CDH9: variants seen among roughly 807,000 people sequenced by gnomAD.
The protein encoded by CDH9 is cadherin 9, also known as cadherin-9.
CDH9 carries 28 observed loss-of-function variants against 70.9 expected under a neutral mutation model. The observed-to-expected ratio is 0.40, with a 90% confidence interval of 0.29 to 0.54. The LOEUF is 0.54. Among genes scored for constraint, CDH9 ranks in the 20% least tolerant of loss-of-function variants. CDH9 has a pLI of 0.59. For synonymous variants in CDH9, 409 were observed against 343.1 expected (o/e 1.19, Z -2.12); for missense variants, 874 against 984.4 (o/e 0.89, Z 1.50).
At chr5:26,949,365 G>T (rs1741806858) in intron 2 of CDH9, among the ~76,000 whole-genome samples, 1 of 152,072 alleles carries the variant, frequency 6.6e-6, no homozygotes, top group African/African-American at 2.4e-5. Flanking sequence ...CCAACTTTAG[G>T]TGGAAGAAAA....
chr5:26,962,029 A>G (rs955450453), intron 2 of CDH9, among the ~76,000 whole-genome samples: 2 of 152,038 alleles, frequency 1.3e-5, no homozygotes, highest in Non-Finnish European at 2.9e-5. Context: ...CCCTGTGTCC[A>G]TGTGTTCTCA....
At chr5:26,928,127 T>G (rs1741378138) in intron 2 of CDH9, among the ~76,000 whole-genome samples, 1 of 151,986 alleles carries the variant, frequency 6.6e-6, no homozygotes, top group Admixed American at 6.6e-5. Context: ...CTGTTAGAAC[T>G]AATAAAACCA....
At chr5:26,950,649 A>T (rs937437880) in intron 2 of CDH9, among the ~76,000 whole-genome samples, 7 of 152,362 alleles carry the variant, frequency 4.6e-5, no homozygotes, top group South Asian at 2.1e-4. Context: ...AAAATTACAC[A>T]TTCCATAAAT....
chr5:26,903,367 A>G (rs13156648), intron 6 of CDH9: 73,655 of 535,324 alleles, frequency 0.14, 5,614 homozygotes, highest in Middle Eastern at 0.27. Flanking sequence ...ATTTTCCTCT[A>G]TGGAGAAATA....
chr5:26,966,385 C>T (rs1742129952), intron 2 of CDH9, among the ~76,000 whole-genome samples: 1 of 152,202 alleles, frequency 6.6e-6, no homozygotes, highest in African/African-American at 2.4e-5. Context: ...CAACATCTGC[C>T]TCCCAGGGAA....
At chr5:26,952,505 G>T (rs112873829) in intron 2 of CDH9, among the ~76,000 whole-genome samples, 3,771 of 138,598 alleles carry the variant, frequency 0.027, 240 homozygotes, top group African/African-American at 0.099. Flanking sequence ...CGTGGTGGGA[G>T]GCGCCTGTGG....
intron 2 of CDH9, 120 bp from the exon 3 acceptor site, chr5:26,916,044 T>C: frequency 1.6e-6 from 1 of 625,756 alleles, no homozygotes; most frequent in East Asian, 2.7e-5. Context: ...TCTTAATGGT[T>C]ATCTTGACTT....
Position 26,906,109 on chromosome 5 carries a change from A to G in CDH9, c.661T>C (p.Leu221=), listed in dbSNP as rs200815583. 16 of 1,611,238 alleles carry G rather than the reference A, an allele frequency of 9.9e-6. No individual in the cohort carries two copies. In the East Asian group the frequency reaches 3.3e-4, roughly 34 times the overall value. The part of the protein sequence containing the change: ...DPESGIIKTA[L]PDMSRENREQ... ...CTATTTTCTCTGCTCATGTCTGGTAATGCAGTTTTTATTATGCCTTTTGGA... is the reference window on the plus strand; with the variant it reads ...CTATTTTCTCTGCTCATGTCTGGTAGTGCAGTTTTTATTATGCCTTTTGGA... The change falls in exon 5 of 12, where the codon TTA becomes CTA. Residue 221 remains leucine (L), a synonymous_variant. Transcript: ENST00000231021.
chr5:27,000,913 A>C (rs1582954), intron 1 of CDH9, among the ~76,000 whole-genome samples: 68,340 of 151,948 alleles, frequency 0.45, 16,163 homozygotes, highest in Non-Finnish European at 0.5. Context: ...CAATAGGCAA[A>C]ACTTTGCATA....
intron 2 of CDH9, among the ~76,000 whole-genome samples, chr5:26,960,959 C>T (rs6870846): frequency 0.77 from 116,453 of 151,890 alleles, 48,918 homozygotes; most frequent in East Asian, 1. Context: ...AGTGCATGCA[C>T]ATTTGACTCC....
At chr5:26,933,938 A>G (rs1014519505) in intron 2 of CDH9, among the ~76,000 whole-genome samples, 15 of 152,134 alleles carry the variant, frequency 9.9e-5, no homozygotes, top group Non-Finnish European at 2.9e-5. Context: ...ATTGCTATAA[A>G]GGAATTCCTG....
rs765236056 is a variant in CDH9, at chr5:26,881,164, T to A, written c.2342A>T (p.Tyr781Phe). 2 of 1,612,418 alleles carry A rather than the reference T, an allele frequency of 1.2e-6. No individual in the cohort carries two copies. Among genetic ancestry groups the A allele is most frequent in the Non-Finnish European group, 1.7e-6 (2 of 1,179,056 alleles). The change falls in exon 12 of 12, where the codon TAT (tyrosine) becomes TTT (phenylalanine). Residue 781 changes from tyrosine to phenylalanine, a missense_variant. By Grantham distance (22) the Tyr-to-Phe change is conservative (BLOSUM62 3). Transcript: ENST00000231021. Reference sequence around the variant, plus strand: ...GTCTCGGTCACTATCATCACCCCCATACATATCGGCAAGTTTTTTGAAACG... The same window carrying A: ...GTCTCGGTCACTATCATCACCCCCAAACATATCGGCAAGTTTTTTGAAACG... ...GPRFKKLADM[Y>F]GGDDSDRD
chr5:26,913,556 C>T (rs80003905), intron 3 of CDH9, among the ~76,000 whole-genome samples: 18,100 of 151,970 alleles, frequency 0.12, 1,721 homozygotes, highest in East Asian at 0.49. Flanking sequence ...GGCTCAAATC[C>T]TTGTATCTGC....
intron 1 of CDH9, among the ~76,000 whole-genome samples, chr5:27,027,762 A>T (rs985264184): frequency 7.9e-5 from 12 of 152,182 alleles, no homozygotes; most frequent in African/African-American, 2.4e-4. Flanking sequence ...CAAAACAGAG[A>T]AAGTAAATAT....
chr5:27,021,701 T>C (rs933682756), intron 1 of CDH9, among the ~76,000 whole-genome samples: 1 of 151,938 alleles, frequency 6.6e-6, no homozygotes, highest in African/African-American at 2.4e-5. Context: ...CTGCTCTTCA[T>C]GTTCCCCATA....
At chr5:26,992,075 C>T (rs117729452) in intron 1 of CDH9, among the ~76,000 whole-genome samples, 1 of 152,108 alleles carries the variant, frequency 6.6e-6, no homozygotes. Flanking sequence ...GCACTGGATT[C>T]TCATAAGCAG....
intron 6 of CDH9, chr5:26,903,044 G>C (rs1480771765): frequency 9.2e-6 from 2 of 218,000 alleles, no homozygotes; most frequent in South Asian, 8.8e-5. Flanking sequence ...CATTATTAAA[G>C]TTATGCAGTT....
At position 26,889,895 on chromosome 5, in the gene CDH9, C is replaced by A. The variant is rs757167156; in HGVS notation, c.1453G>T (p.Ala485Ser). 2 of 1,604,096 alleles carry A rather than the reference C, an allele frequency of 1.2e-6. No individual in the cohort carries two copies. The highest frequency in any genetic ancestry group is 1.7e-6 in the Non-Finnish European group (2 of 1,172,136). The change falls in exon 9 of 12, where the codon GCT (alanine) becomes TCT (serine). Residue 485 changes from alanine (A) to serine (S), a missense_variant. Coordinates refer to ENST00000231021, the MANE Select transcript of CDH9 (RefSeq NM_016279.4). ...FIRILDINDH[A>S]PEFAMYYETF... Reference sequence around the variant, plus strand: ...TCATAATACATGGCAAATTCCGGAGCATGGTCATTTATATCTAGAATTCTG... The same window carrying A: ...TCATAATACATGGCAAATTCCGGAGAATGGTCATTTATATCTAGAATTCTG...
At chr5:27,006,436 G>T (rs149741509) in intron 1 of CDH9, among the ~76,000 whole-genome samples, 1 of 152,206 alleles carries the variant, frequency 6.6e-6, no homozygotes, top group Non-Finnish European at 1.5e-5. Flanking sequence ...TAGGAGGAGA[G>T]GAGTTCTATT....
Sources: gnomAD v4.1 joint callset for allele counts (sites outside exome capture counted in the v4.1 genomes callset) on GRCh38, gnomAD v4.1.1 for gene constraint, MANE v1.5 for transcripts, NCBI Gene and HGNC (gene_info 2026-07-23, HGNC 2026-07-21) for gene names.